The following DNAJC8 variants were observed in gnomAD, a reference collection of about 807,000 sequenced individuals.
DNAJC8 encodes the protein dnaJ homolog subfamily C member 8.
In DNAJC8, 24 loss-of-function variants were observed where a neutral mutation model predicts 43.2. The ratio of observed to expected loss-of-function variants is 0.56; its 90% CI spans 0.40 to 0.78. The LOEUF is 0.78. Ranked by LOEUF, DNAJC8 falls within the 30% of genes least tolerant of loss-of-function variation. DNAJC8 has a pLI of 0.00. For missense variants in DNAJC8, 207 were observed against 299.4 expected (o/e 0.69, Z 2.28); for synonymous variants, 83 against 98.0 (o/e 0.85, Z 0.90).
chr1:28,212,639 A>C (rs1646823330), intron 3 of DNAJC8, among the ~76,000 whole-genome samples: 1 of 152,082 alleles, frequency 6.6e-6, no homozygotes, highest in South Asian at 2.1e-4. Flanking sequence ...AAGAACTTTC[A>C]TAGGTAATTC....
chr1:28,214,009 C>T (rs1003432638), intron 3 of DNAJC8, among the ~76,000 whole-genome samples: 1 of 151,886 alleles, frequency 6.6e-6, no homozygotes, highest in African/African-American at 2.4e-5. Context: ...GAGTGAGACC[C>T]TGTCTCAAAA....
At chr1:28,201,395 G>A in intron 8 of DNAJC8, 25 bp from the exon 9 acceptor site, 1 of 1,613,414 alleles carries the variant, frequency 6.2e-7, no homozygotes, top group African/African-American at 1.3e-5. Flanking sequence ...AGTTTGAGGT[G>A]AGGAGACCAG....
At position 28,228,939 on chromosome 1, in the gene DNAJC8, T is replaced by G. The variant is rs1392297873; in HGVS notation, c.163A>C (p.Asn55His). 1.2e-6 allele frequency: 2 copies of G among 1,612,592 alleles called. No individual in the cohort carries two copies. Among genetic ancestry groups the G allele is most frequent in the Admixed American group, 3.3e-5 (2 of 59,984 alleles). Reference sequence around the variant, plus strand: ...CGGCTCACCTCAAATGGGTTCAAATTGAAGTAAGAGGAACCAGGACGGGTC... The same window carrying G: ...CGGCTCACCTCAAATGGGTTCAAATGGAAGTAAGAGGAACCAGGACGGGTC... Reference protein sequence around the residue: ...RLTRPGSSYFNLNPFEVLQID... With the variant: ...RLTRPGSSYFHLNPFEVLQID... Residue 55 changes from asparagine to histidine, a missense_variant, in exon 2 of 9, where the codon AAT becomes CAT. Around this residue, in one of 2 missense-constraint regions of DNAJC8, gnomAD observed 159 missense variants for 267.5 expected, o/e 0.59. Transcript: ENST00000263697.
intron 8 of DNAJC8, among the ~76,000 whole-genome samples, chr1:28,203,226 A>T (rs1468951418): frequency 6.6e-6 from 1 of 152,180 alleles, no homozygotes; most frequent in Non-Finnish European, 1.5e-5. Context: ...CTATAGAAGA[A>T]AAGACCGAAT....
At chr1:28,216,077 A>G (rs2149018860) in intron 2 of DNAJC8, among the ~76,000 whole-genome samples, 2 of 151,786 alleles carry the variant, frequency 1.3e-5, no homozygotes, top group South Asian at 4.2e-4. Context: ...GGCCGGGCGC[A>G]GTGGCTCACG....
Position 28,201,081 on chromosome 1 carries a change from A to G in DNAJC8, c.*167T>C. 1 of 1,021,536 alleles carries G rather than the reference A, an allele frequency of 9.8e-7. No homozygotes were observed. Among genetic ancestry groups the G allele is most frequent in the Non-Finnish European group, 1.4e-6 (1 of 711,902 alleles). 63.3% of individuals were successfully genotyped at this position (1,021,536 alleles called of 1,614,324 possible). On this transcript the variant is annotated 3_prime_UTR_variant, in exon 9 of 9. Transcript: ENST00000263697. ...TTTTTAAACCAAGCCCCTCATTTCA[A>G]TGTACAAAAGAATTACTCTGATCGA...
At chr1:28,227,895 C>T (rs1207377801) in intron 2 of DNAJC8, among the ~76,000 whole-genome samples, 1 of 152,092 alleles carries the variant, frequency 6.6e-6, no homozygotes, top group African/African-American at 2.4e-5. Flanking sequence ...ACATTTGCAA[C>T]AAATATGATT....
At position 28,228,919 on chromosome 1, in the gene DNAJC8, C is replaced by T; in HGVS notation, c.180+3G>A. 6.2e-7 allele frequency: 1 copy of T among 1,611,020 alleles called. No individual in the cohort carries two copies. The highest frequency in any genetic ancestry group is 8.5e-7 in the Non-Finnish European group (1 of 1,179,120). On this transcript the variant is annotated splice_donor_region_variant and intron_variant, in intron 2 of 8. Coordinates refer to ENST00000263697, the MANE Select transcript of DNAJC8 (RefSeq NM_014280.3). Reference sequence around the variant, plus strand: ...GAGGCCCTAGCAACATCAATCGGCTCACCTCAAATGGGTTCAAATTGAAGT... The same window carrying T: ...GAGGCCCTAGCAACATCAATCGGCTTACCTCAAATGGGTTCAAATTGAAGT...
At chr1:28,210,504 G>T in intron 4 of DNAJC8, 67 bp downstream of exon 4, 1 of 1,408,514 alleles carries the variant, frequency 7.1e-7, no homozygotes, top group Non-Finnish European at 1.0e-6. Flanking sequence ...GCTTGATCTA[G>T]GACAAGGAAC....
At chr1:28,207,364 T>A (rs1303567379) in intron 6 of DNAJC8, among the ~76,000 whole-genome samples, 2 of 152,026 alleles carry the variant, frequency 1.3e-5, no homozygotes. Context: ...GGCAACAGAG[T>A]AAGACCCCGT....
chr1:28,201,483 A>G, intron 8 of DNAJC8, 113 bp from the exon 9 acceptor site: 2 of 1,503,588 alleles, frequency 1.3e-6, no homozygotes, highest in Non-Finnish European at 9.0e-7. Flanking sequence ...GTCCTCTGGA[A>G]TAACCCAAGA....
chr1:28,205,614 G>C (rs116703334), intron 6 of DNAJC8, among the ~76,000 whole-genome samples: 2 of 152,258 alleles, frequency 1.3e-5, no homozygotes, highest in Non-Finnish European at 2.9e-5. Context: ...CAGGCCAGGC[G>C]CAGTAGCTCA....
chr1:28,223,161 A>G (rs1646910441), intron 2 of DNAJC8, among the ~76,000 whole-genome samples: 1 of 152,224 alleles, frequency 6.6e-6, no homozygotes, highest in Non-Finnish European at 1.5e-5. Flanking sequence ...GCAGCCCAAC[A>G]CAAGGTTCAG....
intron 3 of DNAJC8, 37 bp from the exon 4 acceptor site, chr1:28,210,674 A>T (rs367855018): frequency 1.3e-4 from 203 of 1,557,860 alleles, no homozygotes; most frequent in Non-Finnish European, 1.7e-4. Context: ...TCAATAAGGG[A>T]AACATTTACT....
chr1:28,217,522 C>G (rs1646866385), intron 2 of DNAJC8, among the ~76,000 whole-genome samples: 1 of 151,990 alleles, frequency 6.6e-6, no homozygotes, highest in Non-Finnish European at 1.5e-5. Flanking sequence ...TCAGTGCGCC[C>G]CACTCTCATA....
chr1:28,211,162 AAAAAACAAAAAC>A (rs71027265), intron 3 of DNAJC8, among the ~76,000 whole-genome samples: 9 of 150,114 alleles, frequency 6.0e-5, no homozygotes, highest in South Asian at 2.1e-4. Flanking sequence ...TGTCTCCAGG[AAAAAACAAAAAC>A]AAAAACAAAA....
At chr1:28,202,693 G>A (rs992231334) in intron 8 of DNAJC8, among the ~76,000 whole-genome samples, 1 of 147,376 alleles carries the variant, frequency 6.8e-6, no homozygotes, top group South Asian at 2.1e-4. Flanking sequence ...CCGTTCTCCT[G>A]CCTCAGCCTC....
intron 4 of DNAJC8, chr1:28,210,325 G>A: frequency 5.4e-6 from 3 of 554,322 alleles, no homozygotes; most frequent in Non-Finnish European, 9.5e-6. Flanking sequence ...TATGTTCAAA[G>A]AAAAAAAATG....
At position 28,215,445 on chromosome 1, in the gene DNAJC8, C is replaced by T. The variant is rs148465353; in HGVS notation, c.181-449G>A. ...TCAATCAGAGTGAATATTAGAATCACCTGTGGAAACCTGTGAGCAATGGCT... is the reference window on the plus strand; with the variant it reads ...TCAATCAGAGTGAATATTAGAATCATCTGTGGAAACCTGTGAGCAATGGCT... On this transcript the variant is annotated intron_variant, in intron 2 of 8. Coordinates refer to ENST00000263697, the MANE Select transcript of DNAJC8 (RefSeq NM_014280.3). Among the ~76,000 whole-genome samples, 283 of 152,226 alleles carry T rather than the reference C, an allele frequency of 1.9e-3. 1 individual carries two copies. The highest frequency in any genetic ancestry group is 6.4e-3 in the African/African-American group (267 of 41,522).
Sources: allele counts gnomAD v4.1 joint callset (sites outside exome capture counted in the v4.1 genomes callset), GRCh38; gene constraint gnomAD v4.1.1; regional missense constraint gnomAD v4.1.1; transcripts MANE v1.5; gene names NCBI Gene and HGNC (gene_info 2026-07-23, HGNC 2026-07-21).